Variants in LGI4 observed in about 807,000 individuals in gnomAD.
The protein encoded by LGI4 is leucine rich repeat LGI family member 4, also known as leucine-rich repeat LGI family member 4.
A neutral mutation model predicts 48.3 loss-of-function variants in LGI4; 36 were observed. That is an observed-to-expected ratio of 0.75 (90% CI 0.57 to 0.98). The LOEUF is 0.98. Ranked by LOEUF, LGI4 falls within the 50% of genes least tolerant of loss-of-function variation. LGI4 has a pLI of 0.00. For missense variants in LGI4, 701 were observed against 732.1 expected (o/e 0.96, Z 0.49); for synonymous variants, 355 against 331.6 (o/e 1.07, Z -0.77).
At position 35,125,021 on chromosome 19, in the gene LGI4, C is replaced by A. The variant is rs1030028204; in HGVS notation, c.*172G>T. On this transcript the variant is annotated 3_prime_UTR_variant, in exon 9 of 9. Coordinates refer to ENST00000310123, the MANE Select transcript of LGI4 (RefSeq NM_139284.3). ...TCCAGTAGGCTGGGACCCTCTATGT[C>A]CCCCCATGGGTGCAGATCCTTTAAG... 6.1e-6 allele frequency: 3 copies of A among 495,728 alleles called. No individual in the cohort carries two copies. Among genetic ancestry groups the A allele is most frequent in the Admixed American group, 3.6e-5 (1 of 27,476 alleles). The allele number at this position is 495,728 out of a possible 1,614,324, so 30.7% of individuals were successfully genotyped here.
chr19:35,126,129 G>A lies in LGI4; in HGVS notation c.1299+141C>T, dbSNP rs999970750. ...GTTCGGAGTCAGCCAGCCTTGAGGG[G>A]GTCAGAGTCTTGGCATCAGTGTGGG... is the stretch of plus-strand genomic sequence containing the variant. On this transcript the variant is annotated intron_variant, in intron 8 of 8. Coordinates refer to ENST00000310123, the MANE Select transcript of LGI4 (RefSeq NM_139284.3). 1.4e-5 allele frequency: 13 copies of A among 912,920 alleles called. No homozygotes were observed. In the African/African-American group the frequency reaches 1.8e-4, roughly 13 times the overall value. The allele number at this position is 912,920 out of a possible 1,614,324, so 56.6% of individuals were successfully genotyped here.
At chr19:35,131,682 A>C in intron 5 of LGI4, 107 bp downstream of exon 5, 1 of 1,399,052 alleles carries the variant, frequency 7.1e-7, no homozygotes, top group African/African-American at 1.4e-5. Context: ...ATACGTAAGA[A>C]CCACTGCAGC....
At position 35,125,338 on chromosome 19, in the gene LGI4, G is replaced by A; in HGVS notation, c.1469C>T (p.Pro490Leu). 6.2e-7 allele frequency: 1 copy of A among 1,612,976 alleles called. No homozygotes were observed. Among genetic ancestry groups the A allele is most frequent in the Non-Finnish European group, 8.5e-7 (1 of 1,179,214 alleles). ...GGCCGGAGGCCCCAGCTCCTGCAGT[G>A]GCTCCAGGAGCCCCTTGTCAGGCTC... ...RLEPDKGLLEPLQELGPPALV... is the reference protein window; with the variant it reads ...RLEPDKGLLELLQELGPPALV... Residue 490 changes from proline (P) to leucine (L), a missense_variant, in exon 9 of 9, where the codon CCA (proline) becomes CTA (leucine). This residue lies in a region of LGI4 where 223 missense variants were observed against 263.3 expected (regional missense o/e 0.85). Coordinates refer to ENST00000310123, the MANE Select transcript of LGI4 (RefSeq NM_139284.3).
rs758958583 is a variant in LGI4 at position 35,127,000 on chromosome 19, T to C, written c.646A>G (p.Thr216Ala). The C allele has an allele frequency of 1.3e-6, 2 of 1,599,692 alleles. No individual in the cohort carries two copies. Among genetic ancestry groups the C allele is most frequent in the South Asian group, 2.2e-5 (2 of 90,460 alleles). ...ACGCTCAGTGCCGACTCCCCCACCG[T>C]CTGGAACCAGGACAGCTCTGTGGGT... ...CRAIELSWFQTVGESALSVEP... is the reference protein window; with the variant it reads ...CRAIELSWFQAVGESALSVEP... The change falls in exon 7 of 9, where the codon ACG (threonine) becomes GCG (alanine). Residue 216 changes from threonine to alanine, a missense_variant. Around this residue, in one of 3 missense-constraint regions of LGI4, gnomAD observed 462 missense variants for 436.4 expected, o/e 1.06. Coordinates refer to ENST00000310123, the MANE Select transcript of LGI4 (RefSeq NM_139284.3).
Position 35,126,955 on chromosome 19 carries a change from C to T in LGI4, c.691G>A (p.Gly231Arg), listed in dbSNP as rs150807476. Residue 231 changes from glycine to arginine, a missense_variant, in exon 7 of 9, where the codon GGG becomes AGG. Gly to Arg is a moderately radical substitution (Grantham distance 125). Transcript: ENST00000310123. ...TGTGCCAGCACAATGTGAGGCTCCC[C>T]TTGGTAGGAGAAGGGCTCTACGCTC... ...ALSVEPFSYQGEPHIVLAQPF... is the reference protein window; with the variant it reads ...ALSVEPFSYQREPHIVLAQPF... 62 of 1,613,508 alleles carry T rather than the reference C, an allele frequency of 3.8e-5. No homozygotes were observed. Among genetic ancestry groups the T allele is most frequent in the Admixed American group, 5.0e-5 (3 of 59,990 alleles).
intron 6 of LGI4, among the ~76,000 whole-genome samples, chr19:35,129,660 G>A (rs1220987879): frequency 1.3e-5 from 2 of 152,150 alleles, no homozygotes; most frequent in Non-Finnish European, 2.9e-5. Flanking sequence ...AGGCCGCAGG[G>A]ACCTCTGCCC....
At chr19:35,125,770 A>G in intron 8 of LGI4, 1 of 662,860 alleles carries the variant, frequency 1.5e-6, no homozygotes, top group Non-Finnish European at 2.8e-6. Context: ...CCTCTGGCTG[A>G]ACTCCATCCC....
At chr19:35,129,704 C>A (rs1006552469) in intron 6 of LGI4, among the ~76,000 whole-genome samples, 10 of 152,174 alleles carry the variant, frequency 6.6e-5, no homozygotes, top group African/African-American at 2.4e-4. Context: ...GGTTTCCCTG[C>A]ACTGAGACAG....
At chr19:35,133,930 G>A (rs959858037) in intron 2 of LGI4, 103 bp downstream of exon 2, 1 of 1,328,428 alleles carries the variant, frequency 7.5e-7, no homozygotes, top group Non-Finnish European at 1.1e-6. Flanking sequence ...CCACACACGT[G>A]CATCAATGCC....
At chr19:35,127,370 G>C (rs931751656) in intron 6 of LGI4, among the ~76,000 whole-genome samples, 1 of 151,964 alleles carries the variant, frequency 6.6e-6, no homozygotes, top group African/African-American at 2.4e-5. Context: ...TTGCAGAGAT[G>C]GAGTCTTGCT....
rs374692606 is a variant in LGI4, at chr19:35,134,526, G to A, written c.155C>T (p.Pro52Leu). Reference protein sequence around the residue: ...GSPDLPVSFSPTLLSLSLVRT... With the variant: ...GSPDLPVSFSLTLLSLSLVRT... ...GGACACTCACAGTGACAGCAGGGTC[G>A]GAGAGAAGCTGACGGGCAGGTCCGG... The change falls in exon 1 of 9, where the codon CCG becomes CTG. Residue 52 changes from proline to leucine, a missense_variant. Transcript: ENST00000310123. The A allele has an allele frequency of 2.0e-5, 31 of 1,583,386 alleles. No individual in the cohort carries two copies. Among genetic ancestry groups the A allele is most frequent in the East Asian group, 1.1e-4 (5 of 43,902 alleles).
intron 8 of LGI4, 58 bp downstream of exon 8, chr19:35,126,212 T>C (rs1251263559): frequency 6.4e-7 from 1 of 1,560,774 alleles, no homozygotes; most frequent in Non-Finnish European, 8.7e-7. Flanking sequence ...AGAGGCTTAG[T>C]GTGCAAGATT....
chr19:35,133,761 G>C lies in LGI4; in HGVS notation c.246C>G (p.Leu82=), dbSNP rs1297099742. The change falls in exon 3 of 9, where the codon CTC becomes CTG. Residue 82 remains leucine, a synonymous_variant. Coordinates refer to ENST00000310123, the MANE Select transcript of LGI4 (RefSeq NM_139284.3). ...FLRIPSLHLL[L]FTSNSFSVIE... ...TCACGGAGAAGGAGTTGGAGGTGAA[G>C]AGGCTGGCAAGGGGGCAAGAAAGAA... 1.9e-6 allele frequency: 3 copies of C among 1,606,950 alleles called. No homozygotes were observed. Among genetic ancestry groups the C allele is most frequent in the Non-Finnish European group, 2.5e-6 (3 of 1,177,120 alleles).
intron 3 of LGI4, 30 bp downstream of exon 3, chr19:35,133,663 C>T (rs370484055): frequency 1.3e-6 from 2 of 1,571,862 alleles, no homozygotes; most frequent in African/African-American, 1.3e-5. Flanking sequence ...TGCCCAGACC[C>T]ACCTGCCTCC....
rs1600477026 is a variant in LGI4, at chr19:35,133,542, T to C, written c.314+151A>G. The C allele has an allele frequency of 5.6e-5, 82 of 1,471,984 alleles. No homozygotes were observed. The East Asian group carries it at 2.0e-3, about 37-fold the overall frequency. 91.2% of individuals were successfully genotyped at this position (1,471,984 alleles called of 1,614,324 possible). A position where few individuals can be genotyped will look rare whatever the true frequency, so the allele number is the denominator to read the frequency against. ...GTATCACCCAAAGCATCATCACCAT[T>C]GGGTTCGCCATTTTTATCAACACCA... On this transcript the variant is annotated intron_variant, in intron 3 of 8. Coordinates refer to ENST00000310123, the MANE Select transcript of LGI4 (RefSeq NM_139284.3).
chr19:35,130,353 T>C (rs990798128), intron 6 of LGI4, among the ~76,000 whole-genome samples: 26 of 152,172 alleles, frequency 1.7e-4, no homozygotes, highest in African/African-American at 6.3e-4. Flanking sequence ...CTTCATATTG[T>C]TATAGATAAT....
rs774774645 is a variant in LGI4, at chr19:35,126,812, G to A, written c.794-37C>T. The A allele has an allele frequency of 1.6e-5, 26 of 1,592,604 alleles. No individual in the cohort carries two copies. The South Asian group carries it at 2.9e-4, about 18-fold the overall frequency. The stretch of plus-strand genomic sequence containing the variant: ...TGGGGAGGCAGGTCAGGCCAGCCAG[G>A]CAGGCTGCTGGACAGGCAGAAGGAC... On this transcript the variant is annotated intron_variant, in intron 7 of 8. Coordinates refer to ENST00000310123, the MANE Select transcript of LGI4 (RefSeq NM_139284.3).
chr19:35,131,830 G>T lies in LGI4; in HGVS notation c.417C>A (p.Leu139=). The T allele has an allele frequency of 6.3e-7, 1 of 1,575,002 alleles. No homozygotes were observed. ...LSLANNHLET[L]PRFLFRGLDT... ...CCAGGCCTCGGAACAGGAATCTGGG[G>T]AGGGTCTCCAGATGGTTATTGGCCA... The change falls in exon 5 of 9, where the codon CTC becomes CTA. Residue 139 remains leucine, a synonymous_variant. Transcript: ENST00000310123.
At chr19:35,131,613 C>A in intron 5 of LGI4, 58 bp from the exon 6 acceptor site, 1 of 1,516,752 alleles carries the variant, frequency 6.6e-7, no homozygotes, top group South Asian at 1.2e-5. Context: ...GGGGGCCATG[C>A]TCCTGCCCCC....
Sources: gnomAD v4.1 joint callset for allele counts (sites outside exome capture counted in the v4.1 genomes callset) on GRCh38, gnomAD v4.1.1 for gene constraint, gnomAD v4.1.1 regional missense constraint, MANE v1.5 for transcripts, NCBI Gene and HGNC (gene_info 2026-07-23, HGNC 2026-07-21) for gene names.